Variants in SLC4A10 observed in about 807,000 individuals in gnomAD.
SLC4A10 encodes solute carrier family 4 member 10.
SLC4A10 carries 42 observed loss-of-function variants against 137.7 expected under a neutral mutation model. That is an observed-to-expected ratio of 0.30 (90% CI 0.24 to 0.39). SLC4A10 has a LOEUF of 0.39. SLC4A10 is among the 10% of genes least tolerant of loss of function. The pLI is 1.00. For synonymous variants in SLC4A10, 474 were observed against 464.1 expected (o/e 1.02, Z -0.27); for missense variants, 925 against 1,355.0 (o/e 0.68, Z 4.98).
chr2:161,698,219 G>T (rs1471259796), intron 1 of SLC4A10, among the ~76,000 whole-genome samples: 2 of 152,114 alleles, frequency 1.3e-5, no homozygotes, highest in Non-Finnish European at 2.9e-5. Flanking sequence ...TGAGATCATG[G>T]GGTTTTCTAA....
intron 1 of SLC4A10, among the ~76,000 whole-genome samples, chr2:161,719,181 G>T (rs977888234): frequency 7.9e-5 from 12 of 151,936 alleles, no homozygotes; most frequent in Non-Finnish European, 1.3e-4. Context: ...GTGATAGGTT[G>T]CTGAGAATGA....
intron 15 of SLC4A10, among the ~76,000 whole-genome samples, chr2:161,923,694 A>G (rs10930034): frequency 0.42 from 62,776 of 150,926 alleles, 13,275 homozygotes; most frequent in Admixed American, 0.49. Flanking sequence ...GGAGTGGGGA[A>G]GGATAGCATT....
chr2:161,679,747 G>A (rs1489572619), intron 1 of SLC4A10, among the ~76,000 whole-genome samples: 4 of 147,732 alleles, frequency 2.7e-5, no homozygotes, highest in African/African-American at 1.0e-4. Flanking sequence ...CTTTCAAGTG[G>A]CTTGTCTGCT....
At chr2:161,876,930 A>G (rs1025342938) in intron 8 of SLC4A10, among the ~76,000 whole-genome samples, 1 of 152,122 alleles carries the variant, frequency 6.6e-6, no homozygotes, top group African/African-American at 2.4e-5. Context: ...CTATAGTACT[A>G]TAACTTATTC....
chr2:161,759,635 C>A (rs1574815560), intron 1 of SLC4A10, among the ~76,000 whole-genome samples: 1 of 151,842 alleles, frequency 6.6e-6, no homozygotes, highest in South Asian at 2.1e-4. Context: ...ATCTGTTGAT[C>A]ATTTTTATGT....
intron 15 of SLC4A10, among the ~76,000 whole-genome samples, chr2:161,910,393 G>C (rs1685545588): frequency 6.6e-6 from 1 of 152,072 alleles, no homozygotes; most frequent in Non-Finnish European, 1.5e-5. Context: ...AGCTGAATAT[G>C]CCAAGTTAGC....
At chr2:161,776,552 A>G (rs906279459) in intron 2 of SLC4A10, among the ~76,000 whole-genome samples, 3 of 151,818 alleles carry the variant, frequency 2.0e-5, no homozygotes, top group South Asian at 2.1e-4. Context: ...CTCCTTTTTT[A>G]AAGTTGAATA....
At chr2:161,637,145 GTA>G (rs1275736239) in intron 1 of SLC4A10, among the ~76,000 whole-genome samples, 4 of 143,626 alleles carry the variant, frequency 2.8e-5, no homozygotes, top group Non-Finnish European at 4.5e-5. Context: ...ACGTATTTAT[GTA>G]TATAGATATA....
At chr2:161,822,454 T>C (rs909286843) in intron 3 of SLC4A10, among the ~76,000 whole-genome samples, 16 of 152,240 alleles carry the variant, frequency 1.1e-4, no homozygotes, top group African/African-American at 3.9e-4. Flanking sequence ...GAATATTTAA[T>C]TGATTTCTTA....
intron 15 of SLC4A10, among the ~76,000 whole-genome samples, chr2:161,922,542 T>C (rs1688321712): frequency 6.6e-6 from 1 of 152,046 alleles, no homozygotes; most frequent in South Asian, 2.1e-4. Context: ...TTCTGAAGGG[T>C]AATGTAGCAA....
intron 2 of SLC4A10, among the ~76,000 whole-genome samples, chr2:161,782,151 C>A (rs2053102766): frequency 6.6e-6 from 1 of 152,070 alleles, no homozygotes; most frequent in African/African-American, 2.4e-5. Flanking sequence ...CTTTCAGCTT[C>A]TCCCTGGGGA....
At chr2:161,753,894 A>G (rs1404600158) in intron 1 of SLC4A10, among the ~76,000 whole-genome samples, 1 of 148,546 alleles carries the variant, frequency 6.7e-6, no homozygotes, top group East Asian at 2.0e-4. Context: ...TTATTTATTT[A>G]TTTATTTATT....
chr2:161,686,226 C>T (rs2041387737), intron 1 of SLC4A10, among the ~76,000 whole-genome samples: 1 of 152,008 alleles, frequency 6.6e-6, no homozygotes, highest in African/African-American at 2.4e-5. Context: ...AAAATCAAAT[C>T]CCTTAGGGAT....
intron 23 of SLC4A10, among the ~76,000 whole-genome samples, chr2:161,967,995 C>A (rs919556919): frequency 1.3e-5 from 2 of 150,824 alleles, no homozygotes; most frequent in African/African-American, 4.9e-5. Flanking sequence ...ACGAACACAG[C>A]CCCAGACATA....
intron 1 of SLC4A10, among the ~76,000 whole-genome samples, chr2:161,674,043 A>G (rs996702408): frequency 6.6e-6 from 1 of 152,170 alleles, no homozygotes; most frequent in Admixed American, 6.6e-5. Context: ...ATCCACATTT[A>G]AAAATAGGTA....
At chr2:161,804,680 A>G in intron 3 of SLC4A10, 85 bp downstream of exon 3, 1 of 1,250,740 alleles carries the variant, frequency 8.0e-7, no homozygotes, top group Non-Finnish European at 1.1e-6. Flanking sequence ...AATACCTTAT[A>G]CTCATAAAAT....
In SLC4A10 at chr2:161,767,202, GTATATATATATACACATA is replaced by G. The variant is rs1262098820; in HGVS notation, c.49-3740_49-3723del. Reference sequence around the variant, plus strand: ...TATGTGTGTGTGTGTGTGTGTGTGTGTATATATATATACACATATATATATATATACACATATATATAT... The same window carrying G: ...TATGTGTGTGTGTGTGTGTGTGTGTGTATATATATATACACATATATATAT... On this transcript the variant is annotated intron_variant, in intron 1 of 26. Transcript: ENST00000446997. Among the ~76,000 whole-genome samples, 263 of 67,554 alleles carry G rather than the reference GTATATATATATACACATA, an allele frequency of 3.9e-3. 2 individuals are homozygous for G. Among genetic ancestry groups the G allele is most frequent in the African/African-American group, 0.014 (242 of 16,826 alleles). The allele number at this position is 67,554 out of a possible 152,430, so 44.3% of individuals were successfully genotyped here. A position where few individuals can be genotyped will look rare whatever the true frequency, so the allele number is the denominator to read the frequency against.
chr2:161,928,080 T>C (rs1689529367), intron 15 of SLC4A10, among the ~76,000 whole-genome samples: 1 of 151,166 alleles, frequency 6.6e-6, no homozygotes, highest in South Asian at 2.1e-4. Context: ...CACGTATGTT[T>C]ATTGTGGCAT....
At chr2:161,719,303 T>C (rs886643798) in intron 1 of SLC4A10, among the ~76,000 whole-genome samples, 4 of 152,290 alleles carry the variant, frequency 2.6e-5, no homozygotes, top group East Asian at 1.9e-4. Flanking sequence ...CAGTCTATCA[T>C]TGTTGGACAT....
Sources: gnomAD v4.1 joint callset for allele counts (sites outside exome capture counted in the v4.1 genomes callset) on GRCh38, gnomAD v4.1.1 for gene constraint, MANE v1.5 for transcripts, NCBI Gene and HGNC (gene_info 2026-07-23, HGNC 2026-07-21) for gene names.